The following WWOX variants were observed in gnomAD, a reference collection of about 807,000 sequenced individuals.
WWOX encodes WW domain containing oxidoreductase.
Under a neutral mutation model 46.2 loss-of-function variants are expected in WWOX, and 69 were observed. The ratio of observed to expected loss-of-function variants is 1.49; its 90% CI spans 1.23 to 1.82. The LOEUF (loss-of-function observed/expected upper bound fraction) is 1.82. WWOX is among the 40% of genes most tolerant of loss of function. WWOX has a pLI of 0.00. For synonymous variants in WWOX, 359 were observed against 202.6 expected (o/e 1.77, Z -6.56); for missense variants, 919 against 542.6 (o/e 1.69, Z -6.89).
intron 8 of WWOX, among the ~76,000 whole-genome samples, chr16:78,964,898 C>T (rs958477160): frequency 6.6e-6 from 1 of 152,230 alleles, no homozygotes; most frequent in African/African-American, 2.4e-5. Context: ...CAGGCTGTGG[C>T]TTCAGAGGGT....
At chr16:78,275,284 C>A (rs2079556248) in intron 5 of WWOX, among the ~76,000 whole-genome samples, 1 of 152,118 alleles carries the variant, frequency 6.6e-6, no homozygotes, top group Non-Finnish European at 1.5e-5. Context: ...ACTGGAAGGT[C>A]TGGCACCTTT....
chr16:78,758,944 A>C (rs536486590), intron 8 of WWOX, among the ~76,000 whole-genome samples: 46 of 151,958 alleles, frequency 3.0e-4, no homozygotes, highest in African/African-American at 1.1e-3. Flanking sequence ...AGACAAAAAA[A>C]AAAAAAACAA....
rs2085355158 is a variant in WWOX, at chr16:78,511,310, T to A, written c.1056+78558T>A. On this transcript the variant is annotated intron_variant, in intron 8 of 8. Coordinates refer to ENST00000566780, the MANE Select transcript of WWOX (RefSeq NM_016373.4). Reference sequence around the variant, plus strand: ...AGCCTTTTAGCGGAGTTCACAGGGATGCCTTCGGTCCAGACACTATGACCG... The same window carrying A: ...AGCCTTTTAGCGGAGTTCACAGGGAAGCCTTCGGTCCAGACACTATGACCG... 2.0e-5 allele frequency among the ~76,000 whole-genome samples: 3 copies of A among 152,216 alleles called. No homozygotes were observed. In the South Asian group the frequency reaches 6.2e-4, roughly 32 times the overall value.
At chr16:78,928,486 G>A (rs1327393348) in intron 8 of WWOX, among the ~76,000 whole-genome samples, 1 of 152,288 alleles carries the variant, frequency 6.6e-6, no homozygotes, top group East Asian at 1.9e-4. Context: ...ACAGGCGTGA[G>A]CCACCGCGCC....
intron 8 of WWOX, among the ~76,000 whole-genome samples, chr16:78,828,612 CTAA>C (rs1203103688): frequency 7.2e-5 from 11 of 151,960 alleles, no homozygotes; most frequent in African/African-American, 2.7e-4. Context: ...GACACATGTC[CTAA>C]TAATAAACGT....
chr16:78,645,286 C>G (rs1211507748), intron 8 of WWOX, among the ~76,000 whole-genome samples: 3 of 152,096 alleles, frequency 2.0e-5, no homozygotes, highest in African/African-American at 7.2e-5. Context: ...AGAGGCCCAT[C>G]CTGACCATCT....
At chr16:78,384,402 G>T (rs934574017) in intron 5 of WWOX, among the ~76,000 whole-genome samples, 4 of 152,062 alleles carry the variant, frequency 2.6e-5, no homozygotes, top group African/African-American at 9.7e-5. Context: ...CAGCGTCTCT[G>T]TGGGGTATTG....
At chr16:78,414,291 C>T (rs933706907) in intron 6 of WWOX, among the ~76,000 whole-genome samples, 19 of 152,192 alleles carry the variant, frequency 1.2e-4, no homozygotes, top group Admixed American at 4.6e-4. Flanking sequence ...TTATTGCTCA[C>T]ACAAAGCCTG....
intron 8 of WWOX, among the ~76,000 whole-genome samples, chr16:78,705,514 C>G (rs943926072): frequency 6.6e-6 from 1 of 152,172 alleles, no homozygotes; most frequent in Admixed American, 6.5e-5. Flanking sequence ...TCGCCTCACA[C>G]GTTTGCTAAT....
At chr16:79,066,352 C>G (rs903540920) in intron 8 of WWOX, among the ~76,000 whole-genome samples, 3 of 152,114 alleles carry the variant, frequency 2.0e-5, no homozygotes, top group African/African-American at 7.2e-5. Context: ...TCTGTGTCAC[C>G]CAGTGGGACA....
chr16:78,669,841 A>C (rs2142199182), intron 8 of WWOX, among the ~76,000 whole-genome samples: 1 of 152,318 alleles, frequency 6.6e-6, no homozygotes, highest in East Asian at 1.9e-4. Flanking sequence ...ATCTCTAATA[A>C]GATGTTTAGG....
At chr16:78,368,367 G>A (rs957334100) in intron 5 of WWOX, among the ~76,000 whole-genome samples, 1 of 152,130 alleles carries the variant, frequency 6.6e-6, no homozygotes, top group Admixed American at 6.5e-5. Flanking sequence ...TGCCCTTCTG[G>A]GGGATGCTTT....
intron 6 of WWOX, among the ~76,000 whole-genome samples, chr16:78,415,269 G>T (rs2082771978): frequency 6.6e-6 from 1 of 152,026 alleles, no homozygotes; most frequent in African/African-American, 2.4e-5. Context: ...TCATGGTGCT[G>T]GTGGGAGTGT....
chr16:78,319,169 A>T (rs1249137308), intron 5 of WWOX, among the ~76,000 whole-genome samples: 1 of 152,112 alleles, frequency 6.6e-6, no homozygotes, highest in Non-Finnish European at 1.5e-5. Context: ...TTGAAAATGG[A>T]GGGAGGCGGG....
At chr16:78,624,232 A>G (rs1430741884) in intron 8 of WWOX, among the ~76,000 whole-genome samples, 7 of 143,592 alleles carry the variant, frequency 4.9e-5, no homozygotes, top group African/African-American at 1.6e-4. Flanking sequence ...TCGTGGAATC[A>G]TGTTCCCTTC....
chr16:78,694,013 G>C (rs117643118), intron 8 of WWOX, among the ~76,000 whole-genome samples: 1 of 152,058 alleles, frequency 6.6e-6, no homozygotes, highest in Non-Finnish European at 1.5e-5. Context: ...CAGGTGGATC[G>C]GTTGAGGTCA....
At chr16:79,199,387 T>C (rs1049003936) in intron 8 of WWOX, among the ~76,000 whole-genome samples, 7 of 152,136 alleles carry the variant, frequency 4.6e-5, no homozygotes, top group African/African-American at 1.7e-4. Context: ...CTGGGGATAA[T>C]GTGTGCAGAA....
chr16:78,475,310 T>C (rs1429396521), intron 8 of WWOX, among the ~76,000 whole-genome samples: 1 of 152,246 alleles, frequency 6.6e-6, no homozygotes, highest in Admixed American at 6.5e-5. Context: ...TGTGCTGTTT[T>C]GGGCTCTCCT....
At chr16:78,889,068 C>G (rs574777578) in intron 8 of WWOX, among the ~76,000 whole-genome samples, 7 of 152,202 alleles carry the variant, frequency 4.6e-5, no homozygotes, top group African/African-American at 1.7e-4. Context: ...AAGAAGATGT[C>G]TCTCTTTGAA....
Sources: gnomAD v4.1 joint callset for allele counts (sites outside exome capture counted in the v4.1 genomes callset) on GRCh38, gnomAD v4.1.1 for gene constraint, MANE v1.5 for transcripts, NCBI Gene and HGNC (gene_info 2026-07-23, HGNC 2026-07-21) for gene names.